The following ASIC2 variants were observed in gnomAD, a reference collection of about 807,000 sequenced individuals.
ASIC2 encodes acid sensing ion channel subunit 2.
A neutral mutation model predicts 57.3 loss-of-function variants in ASIC2; 25 were observed. The ratio of observed to expected loss-of-function variants is 0.44; its 90% confidence interval spans 0.32 to 0.61. The LOEUF (loss-of-function observed/expected upper bound fraction) is 0.61. ASIC2 is among the 20% of genes least tolerant of loss of function. The pLI is 0.06. For missense variants in ASIC2, 641 were observed against 738.1 expected (o/e 0.87, Z 1.52); for synonymous variants, 319 against 307.5 (o/e 1.04, Z -0.39).
At chr17:34,049,190 G>C (rs745754172) in intron 1 of ASIC2, among the ~76,000 whole-genome samples, 1 of 152,146 alleles carries the variant, frequency 6.6e-6, no homozygotes, top group Non-Finnish European at 1.5e-5. Context: ...TGCTGAGGAG[G>C]CTAATGTGGG....
chr17:33,415,128 G>A (rs1910797410), intron 1 of ASIC2, among the ~76,000 whole-genome samples: 1 of 152,146 alleles, frequency 6.6e-6, no homozygotes, highest in Non-Finnish European at 1.5e-5. Context: ...CTTTAGGCAA[G>A]TCACTTACCC....
intron 1 of ASIC2, among the ~76,000 whole-genome samples, chr17:33,797,359 G>A (rs1272816388): frequency 6.6e-6 from 1 of 152,174 alleles, no homozygotes; most frequent in Non-Finnish European, 1.5e-5. Context: ...CGAGGAGTGT[G>A]CACAGGGAAG....
intron 1 of ASIC2, among the ~76,000 whole-genome samples, chr17:33,583,468 G>C (rs1904510323): frequency 6.6e-6 from 1 of 152,186 alleles, no homozygotes; most frequent in African/African-American, 2.4e-5. Context: ...TGGGCACTGT[G>C]CTATCTATGA....
intron 1 of ASIC2, chr17:33,580,082 C>G (rs535042623): frequency 6.6e-6 from 1 of 152,334 alleles, no homozygotes; most frequent in East Asian, 1.9e-4. Context: ...ACCCAGAAGG[C>G]CAGCTGGCTT....
At position 34,072,919 on chromosome 17, in the gene ASIC2, T is replaced by C. The variant is rs554651706; in HGVS notation, c.555+83059A>G. Among the ~76,000 whole-genome samples, 22 of 152,316 alleles carry C rather than the reference T, an allele frequency of 1.4e-4. 1 individual carries two copies. The South Asian group carries it at 3.3e-3, about 23-fold the overall frequency. On this transcript the variant is annotated intron_variant, in intron 1 of 9. Transcript: ENST00000359872. Reference sequence around the variant, plus strand: ...AATGTTTTTTTAACTGTGCGTGCCCTGGTACTAAATTTTGTAATTTCAAAG... The same window carrying C: ...AATGTTTTTTTAACTGTGCGTGCCCCGGTACTAAATTTTGTAATTTCAAAG...
At chr17:33,254,546 C>T (rs1908992222) in intron 1 of ASIC2, among the ~76,000 whole-genome samples, 1 of 152,028 alleles carries the variant, frequency 6.6e-6, no homozygotes, top group Non-Finnish European at 1.5e-5. Flanking sequence ...AGGTTTTTGC[C>T]CATACAGTTT....
chr17:33,342,901 CA>C (rs1406137290), intron 1 of ASIC2, among the ~76,000 whole-genome samples: 3 of 152,144 alleles, frequency 2.0e-5, no homozygotes, highest in Non-Finnish European at 4.4e-5. Flanking sequence ...GTGGGCAGGG[CA>C]GGCTCTAGGG....
At chr17:34,062,985 C>A (rs990599635) in intron 1 of ASIC2, among the ~76,000 whole-genome samples, 3 of 152,032 alleles carry the variant, frequency 2.0e-5, no homozygotes, top group African/African-American at 7.2e-5. Context: ...TTCCACCAGA[C>A]AGAGAAAGAA....
At chr17:34,091,511 G>A (rs1261129146) in intron 1 of ASIC2, among the ~76,000 whole-genome samples, 1 of 152,252 alleles carries the variant, frequency 6.6e-6, no homozygotes, top group Non-Finnish European at 1.5e-5. Flanking sequence ...CCAGGAACTG[G>A]GGAGTGGGAG....
At chr17:34,058,794 T>C (rs1167998863) in intron 1 of ASIC2, among the ~76,000 whole-genome samples, 1 of 152,188 alleles carries the variant, frequency 6.6e-6, no homozygotes, top group African/African-American at 2.4e-5. Flanking sequence ...TGAGGTGACA[T>C]CATGCTCACT....
intron 1 of ASIC2, among the ~76,000 whole-genome samples, chr17:33,595,962 T>C (rs1026664461): frequency 1.9e-4 from 29 of 152,226 alleles, no homozygotes; most frequent in African/African-American, 6.8e-4. Flanking sequence ...GTAGAGTCTA[T>C]GCTGTTTCCT....
At chr17:33,383,272 T>C (rs1909556003) in intron 1 of ASIC2, among the ~76,000 whole-genome samples, 2 of 152,116 alleles carry the variant, frequency 1.3e-5, no homozygotes, top group Non-Finnish European at 1.5e-5. Context: ...TCATGAGTGG[T>C]TTGAGGGTGA....
chr17:33,320,122 G>A (rs1006946840), intron 1 of ASIC2, among the ~76,000 whole-genome samples: 1 of 152,148 alleles, frequency 6.6e-6, no homozygotes, highest in Non-Finnish European at 1.5e-5. Context: ...AGCAGCATCT[G>A]ACACCCATAC....
At chr17:33,790,237 T>C (rs1424557393) in intron 1 of ASIC2, among the ~76,000 whole-genome samples, 2 of 152,194 alleles carry the variant, frequency 1.3e-5, no homozygotes, top group African/African-American at 4.8e-5. Context: ...TAATAAAAAA[T>C]GGTTACATCT....
chr17:33,692,636 G>A (rs1809227644), intron 1 of ASIC2, among the ~76,000 whole-genome samples: 1 of 152,188 alleles, frequency 6.6e-6, no homozygotes, highest in Admixed American at 6.5e-5. Flanking sequence ...ATCGGAGCTT[G>A]CAGGACCAGA....
rs189765480 is a variant in ASIC2, at chr17:34,145,885, T to C, written c.555+10093A>G. ...CCAACATCAAATGCATAGCCTCCTC[T>C]TCATGGCTTGAAGCCAGGCTGATGC... is the stretch of plus-strand genomic sequence containing the variant. On this transcript the variant is annotated intron_variant, in intron 1 of 9. Coordinates refer to the ASIC2 transcript ENST00000359872. Among the ~76,000 whole-genome samples, 63 of 152,296 alleles carry C rather than the reference T, an allele frequency of 4.1e-4. No homozygotes were observed. In the East Asian group the frequency reaches 0.012, roughly 28 times the overall value.
intron 1 of ASIC2, among the ~76,000 whole-genome samples, chr17:33,795,039 C>T (rs1399144866): frequency 6.6e-6 from 1 of 152,160 alleles, no homozygotes; most frequent in African/African-American, 2.4e-5. Context: ...ATTAGGCATC[C>T]ACTTGTGTCC....
intron 1 of ASIC2, among the ~76,000 whole-genome samples, chr17:33,269,667 CTT>C (rs1904382256): frequency 2.5e-5 from 2 of 78,602 alleles, no homozygotes; most frequent in Admixed American, 1.4e-4. Context: ...TCCTTCCTTC[CTT>C]CCTTCCCTCC....
chr17:33,785,234 A>G (rs961521446), intron 1 of ASIC2, among the ~76,000 whole-genome samples: 7 of 152,160 alleles, frequency 4.6e-5, no homozygotes, highest in African/African-American at 1.4e-4. Flanking sequence ...ATGGCCATCT[A>G]CAAGCCAAGA....
Sources: gnomAD v4.1 joint callset for allele counts (sites outside exome capture counted in the v4.1 genomes callset) on GRCh38, gnomAD v4.1.1 for gene constraint, MANE v1.5 for transcripts, NCBI Gene and HGNC (gene_info 2026-07-23, HGNC 2026-07-21) for gene names.